ABCD2: variants seen among roughly 807,000 people sequenced by gnomAD.
ABCD2 encodes ATP-binding cassette sub-family D member 2.
In ABCD2, 36 loss-of-function variants were observed where a neutral mutation model predicts 70.9. The ratio of observed to expected loss-of-function variants is 0.51; its 90% CI spans 0.39 to 0.67. The LOEUF (loss-of-function observed/expected upper bound fraction) is 0.67. ABCD2 is among the 30% of genes least tolerant of loss of function. The pLI, the probability that ABCD2 is intolerant of heterozygous loss-of-function variation, is 0.00. For missense variants in ABCD2, 729 were observed against 890.2 expected (o/e 0.82, Z 2.30); for synonymous variants, 304 against 306.9 (o/e 0.99, Z 0.10).
chr12:39,564,495 A>T (rs527360868), intron 9 of ABCD2, among the ~76,000 whole-genome samples: 1 of 152,026 alleles, frequency 6.6e-6, no homozygotes, highest in East Asian at 1.9e-4. Context: ...TTTCTTGTAA[A>T]TTTGTTGGAG....
the ABCD2 span, among the ~76,000 whole-genome samples, chr12:39,532,342 G>A: frequency 6.6e-6 from 1 of 152,170 alleles, no homozygotes; most frequent in African/African-American, 2.4e-5. Flanking sequence ...AAAACGTGAA[G>A]CTGACATCTG....
intron 6 of ABCD2, among the ~76,000 whole-genome samples, chr12:39,591,091 G>A (rs1941739731): frequency 6.6e-6 from 1 of 152,140 alleles, no homozygotes; most frequent in African/African-American, 2.4e-5. Flanking sequence ...TTAAGTTTAA[G>A]AATAATGTAC....
intron 6 of ABCD2, among the ~76,000 whole-genome samples, chr12:39,599,447 G>A: frequency 6.6e-6 from 1 of 152,134 alleles, no homozygotes; most frequent in Admixed American, 6.5e-5. Context: ...TTTCCCAAAG[G>A]AATTGAAAGC....
intron 8 of ABCD2, among the ~76,000 whole-genome samples, chr12:39,578,285 T>C (rs1463972906): frequency 6.6e-6 from 1 of 151,966 alleles, no homozygotes; most frequent in Non-Finnish European, 1.5e-5. Flanking sequence ...CCATCCTGGC[T>C]AACACGGTGA....
At chr12:39,559,130 C>T (rs1214283618) in intron 9 of ABCD2, among the ~76,000 whole-genome samples, 3 of 151,874 alleles carry the variant, frequency 2.0e-5, no homozygotes, top group Admixed American at 6.6e-5. Context: ...CCCATCACTT[C>T]GGGAGGCTGA....
At chr12:39,607,747 T>TG in intron 2 of ABCD2, 33 bp from the exon 3 acceptor site, 1 of 1,028,568 alleles carries the variant, frequency 9.7e-7, no homozygotes, top group Non-Finnish European at 1.3e-6. Context: ...AAACTTGAGT[T>TG]TTTTTTTTTT....
At chr12:39,543,668 A>G in the ABCD2 span, among the ~76,000 whole-genome samples, 1 of 152,180 alleles carries the variant, frequency 6.6e-6, no homozygotes, top group Non-Finnish European at 1.5e-5. Context: ...AGTCCATACA[A>G]TTTCAGCAAC....
chr12:39,578,731 A>C (rs538761068), intron 8 of ABCD2, among the ~76,000 whole-genome samples: 10 of 151,820 alleles, frequency 6.6e-5, no homozygotes, highest in Non-Finnish European at 1.2e-4. Flanking sequence ...TTCTCAATCC[A>C]TTGAAACCTA....
intron 6 of ABCD2, among the ~76,000 whole-genome samples, chr12:39,591,171 A>G (rs754231835): frequency 2.0e-5 from 3 of 152,236 alleles, no homozygotes; most frequent in Non-Finnish European, 2.9e-5. Flanking sequence ...TTAACTATCA[A>G]TAATTCACAT....
the ABCD2 span, among the ~76,000 whole-genome samples, chr12:39,544,077 TACTC>T: frequency 2.0e-5 from 3 of 152,226 alleles, no homozygotes; most frequent in Non-Finnish European, 2.9e-5. Context: ...GTTTTATTAT[TACTC>T]ACATCAGTCT....
intron 9 of ABCD2, among the ~76,000 whole-genome samples, chr12:39,557,181 A>G (rs765618368): frequency 6.6e-6 from 1 of 152,198 alleles, no homozygotes; most frequent in Non-Finnish European, 1.5e-5. Context: ...GTAGTCTCAG[A>G]TGAAGATGAG....
At position 39,619,605 on chromosome 12, in the gene ABCD2, A is replaced by C; in HGVS notation, c.11T>G (p.Met4Arg). 1.2e-6 allele frequency: 2 copies of C among 1,604,626 alleles called. No individual in the cohort carries two copies. Among genetic ancestry groups the C allele is most frequent in the Non-Finnish European group, 1.7e-6 (2 of 1,177,532 alleles). ...CACTCGATCAGCTGCTGCATTTAGCATATGTGTCATTTTCCCAGTTACCCA... is the reference window on the plus strand; with the variant it reads ...CACTCGATCAGCTGCTGCATTTAGCCTATGTGTCATTTTCCCAGTTACCCA... MTHMLNAAADRVKW... is the reference protein window; with the variant it reads MTHRLNAAADRVKW... Residue 4 changes from methionine (M) to arginine (R), a missense_variant, in exon 1 of 10, where the codon ATG becomes AGG. This residue lies in a region of ABCD2 where 245 missense variants were observed against 261.2 expected (regional missense o/e 0.94). Coordinates refer to ENST00000308666, the MANE Select transcript of ABCD2 (RefSeq NM_005164.4).
Position 39,552,299 on chromosome 12 carries a change from C to CT in ABCD2, c.*1612dup, listed in dbSNP as rs1403298880. The CT allele has an allele frequency of 2.0e-5, 3 of 151,886 alleles. No individual in the cohort carries two copies. The highest frequency in any genetic ancestry group is 2.1e-4 in the South Asian group (1 of 4,828). 9.4% of individuals were successfully genotyped at this position (151,886 alleles called of 1,614,324 possible). A position where few individuals can be genotyped will look rare whatever the true frequency, so the allele number is the denominator to read the frequency against. ...TCATTATGAATGACTTCCAGGTACTCTATCACCTGAAAAGTCTAAGAATCA... is the reference window on the plus strand; with the variant it reads ...TCATTATGAATGACTTCCAGGTACTCTTATCACCTGAAAAGTCTAAGAATCA... On this transcript the variant is annotated 3_prime_UTR_variant, in exon 10 of 10. Coordinates refer to ENST00000308666, the MANE Select transcript of ABCD2 (RefSeq NM_005164.4).
In ABCD2 at chr12:39,573,954, G is replaced by T. The variant is rs192630427; in HGVS notation, c.1878-113C>A. 3.4e-4 allele frequency: 359 copies of T among 1,057,950 alleles called. 1 individual carries two copies. In the African/African-American group the frequency reaches 5.4e-3, roughly 16 times the overall value. 65.5% of individuals were successfully genotyped at this position (1,057,950 alleles called of 1,614,324 possible). ...TTTTAATGGAGCAAAAAAGACTATGGCATTATTAAAGGCAATAAATGATAA... is the reference window on the plus strand; with the variant it reads ...TTTTAATGGAGCAAAAAAGACTATGTCATTATTAAAGGCAATAAATGATAA... On this transcript the variant is annotated intron_variant, in intron 8 of 9. Coordinates refer to ENST00000308666, the MANE Select transcript of ABCD2 (RefSeq NM_005164.4).
the ABCD2 span, among the ~76,000 whole-genome samples, chr12:39,540,005 C>T: frequency 6.6e-6 from 1 of 152,256 alleles, no homozygotes; most frequent in East Asian, 1.9e-4. Context: ...ATTGCCTGTC[C>T]CCTGCCTCTG....
intron 9 of ABCD2, among the ~76,000 whole-genome samples, chr12:39,567,600 T>C (rs994417792): frequency 1.3e-5 from 2 of 151,790 alleles, no homozygotes; most frequent in African/African-American, 2.4e-5. Flanking sequence ...CCAATTTGTG[T>C]CTTTTAATTG....
chr12:39,601,739 A>G (rs1369719216), intron 5 of ABCD2, among the ~76,000 whole-genome samples: 1 of 152,164 alleles, frequency 6.6e-6, no homozygotes, highest in Non-Finnish European at 1.5e-5. Context: ...GGAATACATC[A>G]TACTGGACCT....
At chr12:39,546,698 T>C (rs533879038), downstream of ABCD2, among the ~76,000 whole-genome samples, 12 of 152,108 alleles carry the variant, frequency 7.9e-5, no homozygotes, top group Non-Finnish European at 1.5e-4. Context: ...ATAAATGTAA[T>C]GGTAAGATTT....
intron 8 of ABCD2, among the ~76,000 whole-genome samples, chr12:39,579,297 G>A (rs1941563878): frequency 6.6e-6 from 1 of 152,226 alleles, no homozygotes; most frequent in Non-Finnish European, 1.5e-5. Flanking sequence ...GGGAGACGGA[G>A]GTTGCAGTGA....
Sources: allele counts gnomAD v4.1 joint callset (sites outside exome capture counted in the v4.1 genomes callset), GRCh38; gene constraint gnomAD v4.1.1; regional missense constraint gnomAD v4.1.1; transcripts MANE v1.5; gene names NCBI Gene and HGNC (gene_info 2026-07-23, HGNC 2026-07-21).